STXBP5: variants seen among roughly 807,000 people sequenced by gnomAD.
The protein encoded by STXBP5 is syntaxin-binding protein 5.
Under a neutral mutation model 152.4 loss-of-function variants are expected in STXBP5, and 50 were observed. The ratio of observed to expected loss-of-function variants is 0.33; its 90% CI spans 0.26 to 0.42. The LOEUF (loss-of-function observed/expected upper bound fraction) is 0.42, where lower values mean the gene tolerates loss of function less well. Among genes scored for constraint, STXBP5 ranks in the 10% least tolerant of loss-of-function variants. STXBP5 has a pLI of 1.00. For synonymous variants in STXBP5, 492 were observed against 494.7 expected (o/e 0.99, Z 0.07); for missense variants, 1,167 against 1,388.6 (o/e 0.84, Z 2.54).
chr6:147,383,015 G>A lies in STXBP5; in HGVS notation c.3414+17G>A. On this transcript the variant is annotated intron_variant, in intron 27 of 27. Transcript: ENST00000321680. Reference sequence around the variant, plus strand: ...GCTCATGAGGTACGACTCTCAAACAGATATTTGAACAAAAAGCTCTAGGTA... The same window carrying A: ...GCTCATGAGGTACGACTCTCAAACAAATATTTGAACAAAAAGCTCTAGGTA... The A allele has an allele frequency of 6.2e-7, 1 of 1,611,878 alleles. No homozygotes were observed. Among genetic ancestry groups the A allele is most frequent in the Non-Finnish European group, 8.5e-7 (1 of 1,178,706 alleles).
intron 3 of STXBP5, among the ~76,000 whole-genome samples, chr6:147,236,044 T>TTAG (rs1171380881): frequency 6.6e-6 from 1 of 152,144 alleles, no homozygotes; most frequent in Admixed American, 6.5e-5. Flanking sequence ...CCCTAAACCC[T>TTAG]TAGGCTCCGT....
Position 147,384,795 on chromosome 6 carries a change from A to G in STXBP5, c.*40A>G. ...TAAGTCCAACTTCAGCCAGAAGGAAAAAAGTTTTCCATTTTTATTACATTC... is the reference window on the plus strand; with the variant it reads ...TAAGTCCAACTTCAGCCAGAAGGAAGAAAGTTTTCCATTTTTATTACATTC... On this transcript the variant is annotated 3_prime_UTR_variant, in exon 28 of 28. Coordinates refer to ENST00000321680, the MANE Select transcript of STXBP5 (RefSeq NM_001127715.4). The G allele has an allele frequency of 6.3e-7, 1 of 1,590,344 alleles. No homozygotes were observed. The highest frequency in any genetic ancestry group is 1.1e-5 in the South Asian group (1 of 87,186).
At chr6:147,214,889 A>C (rs1562413514) in intron 2 of STXBP5, among the ~76,000 whole-genome samples, 3 of 152,226 alleles carry the variant, frequency 2.0e-5, no homozygotes, top group Non-Finnish European at 4.4e-5. Context: ...ATAAATTATA[A>C]AATCAAGATG....
intron 15 of STXBP5, 84 bp downstream of exon 15, chr6:147,315,819 A>G (rs1251598993): frequency 1.1e-5 from 15 of 1,323,398 alleles, no homozygotes; most frequent in South Asian, 2.6e-5. Flanking sequence ...GACTTTTTGC[A>G]GTCAGTTTTG....
At chr6:147,270,866 A>C (rs893620867) in intron 7 of STXBP5, among the ~76,000 whole-genome samples, 1 of 152,228 alleles carries the variant, frequency 6.6e-6, no homozygotes, top group Non-Finnish European at 1.5e-5. Flanking sequence ...CAGAAGACAG[A>C]GGACCATTAA....
chr6:147,383,675 G>A (rs1786205501), intron 27 of STXBP5, among the ~76,000 whole-genome samples: 1 of 152,026 alleles, frequency 6.6e-6, no homozygotes, highest in African/African-American at 2.4e-5. Context: ...CACACATCTA[G>A]TTCCTAGGCT....
chr6:147,258,626 G>C (rs1779497611), intron 4 of STXBP5, among the ~76,000 whole-genome samples: 1 of 151,988 alleles, frequency 6.6e-6, no homozygotes, highest in South Asian at 2.1e-4. Context: ...ATAGAGACGG[G>C]GTTTCACCGT....
intron 4 of STXBP5, among the ~76,000 whole-genome samples, chr6:147,241,901 CAA>C (rs1280897420): frequency 6.6e-6 from 1 of 152,122 alleles, no homozygotes; most frequent in African/African-American, 2.4e-5. Context: ...ATAATGATAA[CAA>C]ATGACTGTTA....
rs533489195 is a variant in STXBP5 at position 147,235,855 on chromosome 6, G to A, written c.330+524G>A. ...GAGCTAGAGAAAACAGCATTTTATC[G>A]GCATAGGAAACACTGTTTTTGCATA... On this transcript the variant is annotated intron_variant, in intron 3 of 27. Coordinates refer to ENST00000321680, the MANE Select transcript of STXBP5 (RefSeq NM_001127715.4). Among the ~76,000 whole-genome samples, 10 of 152,152 alleles carry A rather than the reference G, an allele frequency of 6.6e-5. No individual in the cohort carries two copies. In the South Asian group the frequency reaches 1.2e-3, roughly 19 times the overall value.
Position 147,359,160 on chromosome 6 carries a change from C to A in STXBP5, c.2382C>A (p.Ile794=). 6.2e-7 allele frequency: 1 copy of A among 1,614,078 alleles called. No homozygotes were observed. Among genetic ancestry groups the A allele is most frequent in the Non-Finnish European group, 8.5e-7 (1 of 1,179,940 alleles). The change falls in exon 23 of 28, where the codon ATC becomes ATA. Residue 794 remains isoleucine (I), a synonymous_variant. Transcript: ENST00000321680. ...TSIDKESREA[I]SALHFCETFT... Reference sequence around the variant, plus strand: ...TTGACAAAGAATCCCGAGAAGCGATCTCCGCTCTTCATTTCTGTGAAACGT... The same window carrying A: ...TTGACAAAGAATCCCGAGAAGCGATATCCGCTCTTCATTTCTGTGAAACGT...
chr6:147,243,368 T>C (rs944429026), intron 4 of STXBP5, among the ~76,000 whole-genome samples: 10 of 152,170 alleles, frequency 6.6e-5, no homozygotes, highest in African/African-American at 2.4e-4. Flanking sequence ...CATATTCTTC[T>C]TTGTTTCATG....
intron 4 of STXBP5, among the ~76,000 whole-genome samples, chr6:147,240,985 G>C (rs1778512763): frequency 6.6e-6 from 1 of 152,124 alleles, no homozygotes; most frequent in Admixed American, 6.6e-5. Flanking sequence ...GGGATATCTT[G>C]AAGTTTGTAG....
chr6:147,373,652 A>T lies in STXBP5; in HGVS notation c.3082-79A>T. On this transcript the variant is annotated intron_variant, in intron 25 of 27. Transcript: ENST00000321680. The stretch of plus-strand genomic sequence containing the variant: ...GTAATGTTCTGAGCTTAAGTTAAGG[A>T]GTTTACAGTGATACTTTTGTTCATT... 4.2e-6 allele frequency: 4 copies of T among 954,062 alleles called. No individual in the cohort carries two copies. In the South Asian group the frequency reaches 5.5e-5, roughly 13 times the overall value. The allele number at this position is 954,062 out of a possible 1,614,324, so 59.1% of individuals were successfully genotyped here.
chr6:147,239,235 T>C lies in STXBP5; in HGVS notation c.396T>C (p.Pro132=), dbSNP rs1778421524. The C allele has an allele frequency of 1.2e-6, 2 of 1,613,784 alleles. No individual in the cohort carries two copies. The highest frequency in any genetic ancestry group is 1.7e-6 in the Non-Finnish European group (2 of 1,179,820). The change falls in exon 4 of 28, where the codon CCT becomes CCC. Residue 132 remains proline (P), a synonymous_variant. Coordinates refer to ENST00000321680, the MANE Select transcript of STXBP5 (RefSeq NM_001127715.4). ...TATGGAATTTACGTCAGAAGAGGCC[T>C]GCCATACTACATTCGCTTAAATTTT... The part of the protein sequence containing the change: ...LHLWNLRQKR[P]AILHSLKFCR...
chr6:147,225,946 C>G (rs1003148523), intron 2 of STXBP5, among the ~76,000 whole-genome samples: 1 of 152,074 alleles, frequency 6.6e-6, no homozygotes, highest in Non-Finnish European at 1.5e-5. Flanking sequence ...CTGATAGTGA[C>G]AGGATTAGAA....
Position 147,320,572 on chromosome 6 carries a change from TG to T in STXBP5, c.1802+4166del, listed in dbSNP as rs1782879303. ...ATTTGAGTGTGTGTGTGTGTGTGTG[TG>T]TGTGTGTGTGTGTGTGTGTGTACAC... On this transcript the variant is annotated intron_variant, in intron 16 of 27. Transcript: ENST00000321680. 3.3e-5 allele frequency among the ~76,000 whole-genome samples: 4 copies of T among 122,604 alleles called. 1 individual carries two copies. Among genetic ancestry groups the T allele is most frequent in the East Asian group, 4.5e-4 (2 of 4,470 alleles). The allele number at this position is 122,604 out of a possible 152,430, so 80.4% of individuals were successfully genotyped here.
In STXBP5 at chr6:147,363,718, A is replaced by G. The variant is rs1201524900; in HGVS notation, c.2915+14A>G. The G allele has an allele frequency of 6.3e-6, 10 of 1,589,002 alleles. No individual in the cohort carries two copies. Among genetic ancestry groups the G allele is most frequent in the Non-Finnish European group, 8.5e-7 (1 of 1,170,650 alleles). ...AATGACTTTTAGGTAAGAGTTAGAT[A>G]TGTTTTAAAACACAGATATAGCATT... On this transcript the variant is annotated intron_variant, in intron 24 of 27. Coordinates refer to ENST00000321680, the MANE Select transcript of STXBP5 (RefSeq NM_001127715.4).
At chr6:147,377,957 A>G (rs1335661436) in intron 26 of STXBP5, among the ~76,000 whole-genome samples, 1 of 152,196 alleles carries the variant, frequency 6.6e-6, no homozygotes, top group Non-Finnish European at 1.5e-5. Context: ...GTTAAAAATA[A>G]GAGAATGTAA....
chr6:147,318,192 A>G (rs947635943), intron 16 of STXBP5, among the ~76,000 whole-genome samples: 55 of 152,260 alleles, frequency 3.6e-4, no homozygotes, highest in African/African-American at 1.3e-3. Flanking sequence ...CTGCTTTCTC[A>G]TGACAAGATA....
Sources: allele counts gnomAD v4.1 joint callset (sites outside exome capture counted in the v4.1 genomes callset), GRCh38; gene constraint gnomAD v4.1.1; transcripts MANE v1.5; gene names NCBI Gene and HGNC (gene_info 2026-07-23, HGNC 2026-07-21).